The following TMCC1 variants were observed in gnomAD, a reference collection of about 807,000 sequenced individuals.
TMCC1 encodes the protein transmembrane and coiled-coil domains protein 1.
TMCC1 carries 15 observed loss-of-function variants against 52.4 expected under a neutral mutation model. The ratio of observed to expected loss-of-function variants is 0.29; its 90% CI spans 0.19 to 0.44. The LOEUF is 0.44. TMCC1 is among the 20% of genes least tolerant of loss of function. The probability of loss-of-function intolerance (pLI) is 1.00; values close to 1 mark genes in which losing one functional copy is unlikely to be tolerated. For synonymous variants in TMCC1, 279 were observed against 301.9 expected (o/e 0.92, Z 0.79); for missense variants, 503 against 806.0 (o/e 0.62, Z 4.55).
intron 4 of TMCC1, chr3:129,688,263 T>TA (rs36118217): frequency 0.028 from 21,148 of 751,526 alleles, 197 homozygotes; most frequent in East Asian, 0.16. Flanking sequence ...GCTTGGATGG[T>TA]AAAAAAAAAA....
intron 2 of TMCC1, among the ~76,000 whole-genome samples, chr3:129,867,876 A>T (rs1419875047): frequency 3.9e-5 from 6 of 152,226 alleles, no homozygotes; most frequent in African/African-American, 1.4e-4. Context: ...TCACACAGAT[A>T]GTTTGTGGCA....
intron 2 of TMCC1, among the ~76,000 whole-genome samples, chr3:129,879,320 C>T (rs1423619483): frequency 6.6e-6 from 1 of 152,068 alleles, no homozygotes; most frequent in Non-Finnish European, 1.5e-5. Flanking sequence ...CATATGCCTG[C>T]AGTCCCAGCT....
intron 2 of TMCC1, among the ~76,000 whole-genome samples, chr3:129,870,208 T>C (rs1350504312): frequency 6.6e-6 from 1 of 152,120 alleles, no homozygotes. Context: ...AACTGCCTTT[T>C]TCAGCATTAT....
intron 4 of TMCC1, among the ~76,000 whole-genome samples, chr3:129,701,143 CTGAG>C (rs1186294477): frequency 6.6e-6 from 1 of 152,128 alleles, no homozygotes; most frequent in Non-Finnish European, 1.5e-5. Flanking sequence ...TATCTGATGA[CTGAG>C]TGAATAAGTT....
At position 129,734,113 on chromosome 3, in the gene TMCC1, T is replaced by C. The variant is rs113003918; in HGVS notation, c.577-62849A>G. Among the ~76,000 whole-genome samples the C allele has an allele frequency of 3.1e-3, 466 of 152,262 alleles. 3 individuals are homozygous for C. The highest frequency in any genetic ancestry group is 0.011 in the African/African-American group (446 of 41,554). ...CTCCATATATTTGCATAAGAAGACA[T>C]GTTCAAGAGTATTCACTGTAGCACT... On this transcript the variant is annotated intron_variant, in intron 4 of 6. Transcript: ENST00000393238.
chr3:129,795,626 T>G (rs539563307), intron 4 of TMCC1, among the ~76,000 whole-genome samples: 1 of 152,360 alleles, frequency 6.6e-6, no homozygotes, highest in African/African-American at 2.4e-5. Context: ...AAAATTTGTA[T>G]TACAATAGTC....
At chr3:129,750,703 T>C (rs2052426667) in intron 4 of TMCC1, among the ~76,000 whole-genome samples, 1 of 148,630 alleles carries the variant, frequency 6.7e-6, no homozygotes, top group African/African-American at 2.5e-5. Context: ...GCCTCCCGAG[T>C]AGCTGGGACT....
chr3:129,892,407 C>T (rs1375712759), intron 1 of TMCC1, among the ~76,000 whole-genome samples: 1 of 152,166 alleles, frequency 6.6e-6, no homozygotes, highest in Non-Finnish European at 1.5e-5. Context: ...GTAAAACTAC[C>T]ACCTACTCAC....
chr3:129,699,929 T>C (rs2047692862), intron 4 of TMCC1, among the ~76,000 whole-genome samples: 1 of 151,914 alleles, frequency 6.6e-6, no homozygotes, highest in Non-Finnish European at 1.5e-5. Flanking sequence ...AACAAATAAA[T>C]GAAACAAAAC....
At chr3:129,718,786 A>T (rs549242900) in intron 4 of TMCC1, among the ~76,000 whole-genome samples, 10 of 152,302 alleles carry the variant, frequency 6.6e-5, no homozygotes, top group Non-Finnish European at 1.2e-4. Flanking sequence ...TATTTTCTCT[A>T]GCTTACTGTA....
At chr3:129,852,756 C>T (rs768934811) in intron 2 of TMCC1, among the ~76,000 whole-genome samples, 37 of 152,046 alleles carry the variant, frequency 2.4e-4, no homozygotes, top group Non-Finnish European at 4.4e-4. Flanking sequence ...AATCATAAAC[C>T]GGCTAGCATA....
intron 4 of TMCC1, among the ~76,000 whole-genome samples, chr3:129,810,025 G>A (rs1360686333): frequency 6.6e-6 from 1 of 152,116 alleles, no homozygotes; most frequent in Non-Finnish European, 1.5e-5. Flanking sequence ...ACACATCTCT[G>A]CACCCTAAGG....
At chr3:129,799,411 T>A (rs1391902273) in intron 4 of TMCC1, among the ~76,000 whole-genome samples, 1 of 152,144 alleles carries the variant, frequency 6.6e-6, no homozygotes, top group African/African-American at 2.4e-5. Flanking sequence ...TGTTGCCTAT[T>A]CTGTAATGGT....
intron 4 of TMCC1, among the ~76,000 whole-genome samples, chr3:129,692,536 T>C (rs929980381): frequency 6.6e-6 from 1 of 152,234 alleles, no homozygotes; most frequent in Admixed American, 6.5e-5. Context: ...GGCTTCATTT[T>C]TGCCTTGTTA....
rs367684211 is a variant in TMCC1, at chr3:129,651,844, T to C, written c.1648-49A>G. ...TTAAGCCTTCTGCTCACAAGTATTC[T>C]GAGATGCTGACATGCCCCCTGGGCA... On this transcript the variant is annotated intron_variant, in intron 6 of 6. Coordinates refer to ENST00000393238, the MANE Select transcript of TMCC1 (RefSeq NM_001017395.5). The surrounding 1 kb of genome is among the most constrained non-coding windows in gnomAD (Gnocchi z 5.1). 6.4e-7 allele frequency: 1 copy of C among 1,562,582 alleles called. No individual in the cohort carries two copies. The highest frequency in any genetic ancestry group is 8.7e-7 in the Non-Finnish European group (1 of 1,155,550).
chr3:129,833,484 G>T (rs1400614457), intron 2 of TMCC1, among the ~76,000 whole-genome samples: 1 of 152,162 alleles, frequency 6.6e-6, no homozygotes, highest in Non-Finnish European at 1.5e-5. Flanking sequence ...GCAAGAGGAT[G>T]TCTTGAGCCC....
Position 129,828,223 on chromosome 3 carries a change from C to T in TMCC1, c.156G>A (p.Leu52=). 1 of 1,614,170 alleles carries T rather than the reference C, an allele frequency of 6.2e-7. No individual in the cohort carries two copies. Among genetic ancestry groups the T allele is most frequent in the Non-Finnish European group, 8.5e-7 (1 of 1,180,026 alleles). ...LENINVIGQG[L]KHLFQHQRRR... ...TGCGCTGGTGCTGGAAGAGATGCTTCAAGCCTTGGCCAATCACGTTAATGT... is the reference window on the plus strand; with the variant it reads ...TGCGCTGGTGCTGGAAGAGATGCTTTAAGCCTTGGCCAATCACGTTAATGT... Residue 52 remains leucine (L), a synonymous_variant, in exon 4 of 7, where the codon TTG becomes TTA. Coordinates refer to ENST00000393238, the MANE Select transcript of TMCC1 (RefSeq NM_001017395.5). This position sits in a 1 kb window ranked among gnomAD's most constrained non-coding sequence, Gnocchi z 4.1.
chr3:129,856,389 A>G (rs1019501572), intron 2 of TMCC1, among the ~76,000 whole-genome samples: 8 of 152,150 alleles, frequency 5.3e-5, no homozygotes, highest in Admixed American at 6.5e-5. Context: ...TAACCTATGA[A>G]GTCTATGTTA....
chr3:129,781,465 C>CT (rs765908682), intron 4 of TMCC1, among the ~76,000 whole-genome samples: 12 of 152,068 alleles, frequency 7.9e-5, no homozygotes, highest in Non-Finnish European at 1.6e-4. Flanking sequence ...CTTAGGTTAC[C>CT]TTCCCCCTCT....
Sources: allele counts gnomAD v4.1 joint callset (sites outside exome capture counted in the v4.1 genomes callset), GRCh38; gene constraint gnomAD v4.1.1; non-coding constraint Gnocchi (gnomAD v3.1); transcripts MANE v1.5; gene names NCBI Gene and HGNC (gene_info 2026-07-23, HGNC 2026-07-21).